The following MOG variants were observed in gnomAD, a reference collection of about 807,000 sequenced individuals.
MOG encodes myelin oligodendrocyte glycoprotein.
A neutral mutation model predicts 35.9 loss-of-function variants in MOG; 20 were observed. The ratio of observed to expected loss-of-function variants is 0.56; its 90% CI spans 0.39 to 0.81. The LOEUF (loss-of-function observed/expected upper bound fraction) is 0.81. Ranked by LOEUF, MOG falls within the 30% of genes least tolerant of loss-of-function variation. The pLI, the probability that MOG is intolerant of heterozygous loss-of-function variation, is 0.00. For missense variants in MOG, 251 were observed against 301.0 expected, an observed-to-expected ratio of 0.83 and a Z score of 1.23; for synonymous variants, 92 against 114.3, an observed-to-expected ratio of 0.80 and a Z score of 1.25.
intron 1 of MOG, among the ~76,000 whole-genome samples, chr6:29,657,876 C>T (rs1441137610): frequency 6.8e-6 from 1 of 146,426 alleles, no homozygotes; most frequent in Non-Finnish European, 1.5e-5. Flanking sequence ...AACCCCTGAC[C>T]TCAAGTGGTC....
chr6:29,657,193 C>G lies in MOG; in HGVS notation c.-17C>G, dbSNP rs377093217. 146 of 1,585,202 alleles carry G rather than the reference C, an allele frequency of 9.2e-5. No homozygotes were observed. The highest frequency in any genetic ancestry group is 6.7e-4 in the Middle Eastern group (4 of 5,968). Reference sequence around the variant, plus strand: ...TGACCTTGCTGCGGGGGCTCTCTGTCCCCAGGAACAGTAGAGATGGCAAGC... The same window carrying G: ...TGACCTTGCTGCGGGGGCTCTCTGTGCCCAGGAACAGTAGAGATGGCAAGC... On this transcript the variant is annotated 5_prime_UTR_variant, in exon 1 of 8. Transcript: ENST00000376917.
rs545827989 is a variant in MOG, at chr6:29,662,588, C to T, written c.436+2922C>T. 1.3e-5 allele frequency among the ~76,000 whole-genome samples: 2 copies of T among 152,164 alleles called. No homozygotes were observed. The highest frequency in any genetic ancestry group is 2.9e-5 in the Non-Finnish European group (2 of 68,028). On this transcript the variant is annotated intron_variant, in intron 2 of 7. Coordinates refer to ENST00000376917, the MANE Select transcript of MOG (RefSeq NM_206809.4). This position sits in a 1 kb window ranked among gnomAD's most constrained non-coding sequence, Gnocchi z 4.2. The stretch of plus-strand genomic sequence containing the variant: ...TCAATCCAGGGACCACCCACCTCAC[C>T]GGCTCCCCACTCATTACCACCCTCC...
rs915613708 is a variant in MOG, at chr6:29,670,842, A to G, written c.730+121A>G. The G allele has an allele frequency of 8.9e-6, 14 of 1,580,356 alleles. No homozygotes were observed. The highest frequency in any genetic ancestry group is 1.1e-5 in the Non-Finnish European group (13 of 1,162,208). On this transcript the variant is annotated intron_variant, in intron 7 of 7. Transcript: ENST00000376917. This position sits in a 1 kb window ranked among gnomAD's most constrained non-coding sequence, Gnocchi z 4.2. ...ATTCCCAGAGGAAAGGAGGAGCTGG[A>G]GAGCCTGGGTGGAGGGAAGACTCCT...
intron 3 of MOG, 114 bp from the exon 4 acceptor site, chr6:29,667,529 T>C: frequency 9.5e-7 from 1 of 1,050,704 alleles, no homozygotes; most frequent in Non-Finnish European, 1.5e-6. Context: ...CCTGAGGTTG[T>C]TTCCAGGCTG....
chr6:29,666,719 G>T (rs891341711), intron 3 of MOG, among the ~76,000 whole-genome samples: 1 of 152,154 alleles, frequency 6.6e-6, no homozygotes, highest in Admixed American at 6.5e-5. Flanking sequence ...GTAGGCGTTC[G>T]AAAATTGTTT....
At chr6:29,663,602 TTG>T (rs1175713059) in intron 2 of MOG, among the ~76,000 whole-genome samples, 2 of 152,172 alleles carry the variant, frequency 1.3e-5, no homozygotes, top group African/African-American at 4.8e-5. Context: ...GCAATGACAT[TTG>T]TGTTTGATTT....
rs552467795 is a variant in MOG at position 29,668,100 on chromosome 6, C to T, written c.592+176C>T. Among the ~76,000 whole-genome samples the T allele has an allele frequency of 1.8e-4, 28 of 152,226 alleles. No individual in the cohort carries two copies. In the East Asian group the frequency reaches 5.2e-3, roughly 28 times the overall value. On this transcript the variant is annotated intron_variant, in intron 5 of 7. Transcript: ENST00000376917. Reference sequence around the variant, plus strand: ...GATTGGTAAAATCATAATAAAAATACTCATGTACTGTTTTTATGTGCCAGG... The same window carrying T: ...GATTGGTAAAATCATAATAAAAATATTCATGTACTGTTTTTATGTGCCAGG...
intron 3 of MOG, among the ~76,000 whole-genome samples, chr6:29,667,355 G>A (rs1251121850): frequency 1.3e-5 from 2 of 152,220 alleles, no homozygotes; most frequent in East Asian, 1.9e-4. Context: ...GAGCAGCTCT[G>A]TGAACTGAGA....
chr6:29,662,526 GAGCC>G lies in MOG; in HGVS notation c.436+2861_436+2864del, dbSNP rs932105206. Among the ~76,000 whole-genome samples the G allele has an allele frequency of 1.1e-4, 16 of 151,338 alleles. No homozygotes were observed. The highest frequency in any genetic ancestry group is 1.6e-4 in the Non-Finnish European group (11 of 67,900). On this transcript the variant is annotated intron_variant, in intron 2 of 7. Coordinates refer to ENST00000376917, the MANE Select transcript of MOG (RefSeq NM_206809.4). This position sits in a 1 kb window ranked among gnomAD's most constrained non-coding sequence, Gnocchi z 4.2. The stretch of plus-strand genomic sequence containing the variant: ...TACAAACCAGAGATAATATTATAAT[GAGCC>G]TCCAAGTGCCTACCACCTTGCTGCA...
At chr6:29,659,708 G>A in intron 2 of MOG, 42 bp downstream of exon 2, 1 of 1,518,468 alleles carries the variant, frequency 6.6e-7, no homozygotes, top group Non-Finnish European at 9.1e-7. Context: ...CTGTTGGGTG[G>A]CCAAGAACAA....
chr6:29,659,366 G>A lies in MOG; in HGVS notation c.136G>A (p.Gly46Arg), dbSNP rs368958442. 34 of 1,612,914 alleles carry A rather than the reference G, an allele frequency of 2.1e-5. No individual in the cohort carries two copies. In the South Asian group the frequency reaches 2.3e-4, roughly 11 times the overall value. ...GPRHPIRALV[G>R]DEVELPCRIS... ...AAGACACCCTATCCGGGCTCTGGTC[G>A]GGGATGAAGTGGAATTGCCATGTCG... The change falls in exon 2 of 8, where the codon GGG (glycine) becomes AGG (arginine). Residue 46 changes from glycine (G) to arginine (R), a missense_variant. Coordinates refer to ENST00000376917, the MANE Select transcript of MOG (RefSeq NM_206809.4).
intron 5 of MOG, among the ~76,000 whole-genome samples, chr6:29,668,671 C>CCA (rs143079727): frequency 2.0e-5 from 3 of 151,614 alleles, no homozygotes; most frequent in Non-Finnish European, 2.9e-5. Flanking sequence ...AGTGTGTGGA[C>CCA]CACACACACA....
chr6:29,671,482 G>A lies in MOG; in HGVS notation c.*297G>A, dbSNP rs764457628. On this transcript the variant is annotated 3_prime_UTR_variant, in exon 8 of 8. Transcript: ENST00000376917. Reference sequence around the variant, plus strand: ...GCAGGTGCCCCTCTCTCCATCAGAGGACACCTGTACTGGAGAGCAACACAG... The same window carrying A: ...GCAGGTGCCCCTCTCTCCATCAGAGAACACCTGTACTGGAGAGCAACACAG... 3.5e-6 allele frequency: 5 copies of A among 1,410,070 alleles called. No individual in the cohort carries two copies. Among genetic ancestry groups the A allele is most frequent in the East Asian group, 4.6e-5 (2 of 43,896 alleles). 87.3% of individuals were successfully genotyped at this position (1,410,070 alleles called of 1,614,324 possible).
At chr6:29,668,002 A>G (rs1770601980) in intron 5 of MOG, 78 bp downstream of exon 5, 1 of 1,398,202 alleles carries the variant, frequency 7.2e-7, no homozygotes, top group Admixed American at 1.7e-5. Flanking sequence ...GGGAACAAGG[A>G]CCCCTGGCTC....
At chr6:29,666,319 C>T (rs1454322057) in intron 3 of MOG, 54 bp downstream of exon 3, 1 of 1,019,396 alleles carries the variant, frequency 9.8e-7, no homozygotes. Context: ...GAGCTGGCTT[C>T]TTGGAGCTAC....
At chr6:29,664,809 A>G (rs2907894) in intron 2 of MOG, 10,504 of 321,772 alleles carry the variant, frequency 0.033, 457 homozygotes, top group African/African-American at 0.14. Context: ...GTCTCACATT[A>G]TGTTGCCCAG....
chr6:29,667,857 C>A (rs753842880), intron 4 of MOG, 47 bp from the exon 5 acceptor site: 2 of 1,610,490 alleles, frequency 1.2e-6, no homozygotes, highest in Non-Finnish European at 1.7e-6. Context: ...ATAAAAGATC[C>A]TTTTTGAGTG....
At chr6:29,667,879 C>T (rs1165282561) in intron 4 of MOG, 25 bp from the exon 5 acceptor site, 3 of 1,613,622 alleles carry the variant, frequency 1.9e-6, no homozygotes, top group Non-Finnish European at 2.5e-6. Flanking sequence ...CCTACTAAAT[C>T]CATTTCCATT....
intron 3 of MOG, among the ~76,000 whole-genome samples, 176 bp downstream of exon 3, chr6:29,666,441 T>C (rs529541924): frequency 6.6e-6 from 1 of 152,326 alleles, no homozygotes; most frequent in East Asian, 1.9e-4. Flanking sequence ...TCTTACGGAA[T>C]GCTTTCATAT....
Sources: gnomAD v4.1 joint callset for allele counts (sites outside exome capture counted in the v4.1 genomes callset) on GRCh38, gnomAD v4.1.1 for gene constraint, Gnocchi (gnomAD v3.1) non-coding constraint, MANE v1.5 for transcripts, NCBI Gene and HGNC (gene_info 2026-07-23, HGNC 2026-07-21) for gene names.